GNA14: variants seen among roughly 807,000 people sequenced by gnomAD.
The protein encoded by GNA14 is G protein subunit alpha 14.
In GNA14, 50 loss-of-function variants were observed where a neutral mutation model predicts 42.0. The ratio of observed to expected loss-of-function variants is 1.19; its 90% CI spans 0.95 to 1.51. The LOEUF is 1.51. Ranked by LOEUF, GNA14 falls within the 40% of genes most tolerant of loss-of-function variation. The probability of loss-of-function intolerance (pLI) is 0.00; values close to 1 mark genes in which losing one functional copy is unlikely to be tolerated. For missense variants in GNA14, 473 were observed against 446.2 expected (o/e 1.06, Z -0.54); for synonymous variants, 173 against 163.1 (o/e 1.06, Z -0.46).
chr9:77,461,572 G>A (rs1244143184), intron 2 of GNA14, among the ~76,000 whole-genome samples: 2 of 152,098 alleles, frequency 1.3e-5, no homozygotes, highest in Admixed American at 6.5e-5. Context: ...TTTATCAGAA[G>A]GGGTAAATGA....
intron 1 of GNA14, among the ~76,000 whole-genome samples, chr9:77,557,276 G>A (rs1822799889): frequency 6.6e-6 from 1 of 152,184 alleles, no homozygotes; most frequent in African/African-American, 2.4e-5. Context: ...AAAAGATTAG[G>A]AGAGAGAAGC....
chr9:77,539,490 T>C (rs1334262790), intron 1 of GNA14, among the ~76,000 whole-genome samples: 2 of 152,212 alleles, frequency 1.3e-5, no homozygotes, highest in East Asian at 1.9e-4. Flanking sequence ...TGTCCTTGCC[T>C]GGTTTTGGTA....
intron 2 of GNA14, among the ~76,000 whole-genome samples, chr9:77,470,469 C>T (rs1442456162): frequency 6.6e-6 from 1 of 152,198 alleles, no homozygotes; most frequent in African/African-American, 2.4e-5. Flanking sequence ...GTCATGGATT[C>T]AGTCAACATC....
chr9:77,531,326 A>C (rs1411817618), intron 1 of GNA14, among the ~76,000 whole-genome samples: 2 of 152,216 alleles, frequency 1.3e-5, no homozygotes, highest in Admixed American at 1.3e-4. Context: ...GAACAAGGAT[A>C]AACTGTGATG....
chr9:77,548,448 G>C (rs1392431361), intron 1 of GNA14, among the ~76,000 whole-genome samples: 2 of 152,170 alleles, frequency 1.3e-5, no homozygotes, highest in African/African-American at 4.8e-5. Flanking sequence ...ATCACGAATT[G>C]GAGTGGGGGC....
chr9:77,535,891 TG>T (rs1403754303), intron 1 of GNA14, among the ~76,000 whole-genome samples: 138 of 3,668 alleles, frequency 0.038, 2 homozygotes, highest in East Asian at 0.32. Context: ...TTAGTTGTTT[TG>T]TTTTTTTTTT....
At chr9:77,502,288 G>C (rs969499152) in intron 2 of GNA14, among the ~76,000 whole-genome samples, 34 of 152,076 alleles carry the variant, frequency 2.2e-4, no homozygotes, top group Admixed American at 2.2e-3. Flanking sequence ...GGCATATCTC[G>C]ATTGTCCTTG....
intron 1 of GNA14, among the ~76,000 whole-genome samples, chr9:77,606,519 A>T (rs940510956): frequency 2.0e-5 from 3 of 152,206 alleles, no homozygotes; most frequent in African/African-American, 7.2e-5. Context: ...TCACTAAAAG[A>T]AGTAAAAGGA....
chr9:77,576,967 T>C (rs901107906), intron 1 of GNA14, among the ~76,000 whole-genome samples: 3 of 152,226 alleles, frequency 2.0e-5, no homozygotes, highest in African/African-American at 7.2e-5. Flanking sequence ...AATTTATGCC[T>C]CTTCCTTGCT....
At chr9:77,493,053 G>T (rs1298119470) in intron 2 of GNA14, among the ~76,000 whole-genome samples, 2 of 115,334 alleles carry the variant, frequency 1.7e-5, no homozygotes, top group African/African-American at 3.5e-5. Context: ...ATATTTGGGA[G>T]ATGCTCAGAG....
intron 1 of GNA14, among the ~76,000 whole-genome samples, chr9:77,647,059 A>G (rs931567305): frequency 6.6e-6 from 1 of 152,240 alleles, no homozygotes; most frequent in Admixed American, 6.5e-5. Context: ...GCTCACGGTC[A>G]GAGGAGCAGC....
chr9:77,564,049 G>T (rs1822926021), intron 1 of GNA14, among the ~76,000 whole-genome samples: 1 of 152,086 alleles, frequency 6.6e-6, no homozygotes, highest in Non-Finnish European at 1.5e-5. Context: ...TTTAAAATAT[G>T]GATCTTCCCT....
chr9:77,514,940 G>A (rs953302932), intron 2 of GNA14, among the ~76,000 whole-genome samples: 1 of 152,118 alleles, frequency 6.6e-6, no homozygotes, highest in Non-Finnish European at 1.5e-5. Context: ...ACAAATAAAT[G>A]AAGTTAGCTA....
chr9:77,425,742 T>C, intron 5 of GNA14, 27 bp from the exon 6 acceptor site: 2 of 1,552,584 alleles, frequency 1.3e-6, no homozygotes, highest in East Asian at 2.3e-5. Flanking sequence ...GGACTTGGGA[T>C]GAAGTAGAAA....
chr9:77,425,465 C>A (rs1835438305), intron 6 of GNA14, 97 bp downstream of exon 6: 1 of 820,872 alleles, frequency 1.2e-6, no homozygotes, highest in Non-Finnish European at 1.9e-6. Flanking sequence ...TGCAGGCAGA[C>A]CAGGGAGGCC....
intron 1 of GNA14, among the ~76,000 whole-genome samples, chr9:77,591,605 G>A (rs893485554): frequency 2.6e-5 from 4 of 152,138 alleles, no homozygotes; most frequent in African/African-American, 9.7e-5. Context: ...AGGGTGAGAA[G>A]CATAGTTTAT....
chr9:77,550,024 G>T (rs1837770105), intron 1 of GNA14, among the ~76,000 whole-genome samples: 1 of 152,128 alleles, frequency 6.6e-6, no homozygotes, highest in Non-Finnish European at 1.5e-5. Context: ...ACAGATGTTT[G>T]CAAGGGGGTG....
chr9:77,528,329 T>G (rs1837474085), intron 2 of GNA14, among the ~76,000 whole-genome samples: 1 of 152,186 alleles, frequency 6.6e-6, no homozygotes, highest in African/African-American at 2.4e-5. Context: ...TATCAATTAT[T>G]TTAAATAAAC....
chr9:77,508,447 A>C (rs1837105119), intron 2 of GNA14, among the ~76,000 whole-genome samples: 1 of 152,212 alleles, frequency 6.6e-6, no homozygotes, highest in South Asian at 2.1e-4. Context: ...TTGGATTAAA[A>C]TTGGAGACGA....
Sources: gnomAD v4.1 joint callset for allele counts (sites outside exome capture counted in the v4.1 genomes callset) on GRCh38, gnomAD v4.1.1 for gene constraint, MANE v1.5 for transcripts, NCBI Gene and HGNC (gene_info 2026-07-23, HGNC 2026-07-21) for gene names.